The following PLBD2 variants were observed in gnomAD, a reference collection of about 807,000 sequenced individuals.
PLBD2 encodes the protein putative aminopeptidase PLBD2.
A neutral mutation model predicts 68.3 loss-of-function variants in PLBD2; 51 were observed. That is an observed-to-expected ratio of 0.75 (90% confidence interval 0.60 to 0.94). The LOEUF is 0.94. Among genes scored for constraint, PLBD2 ranks in the 40% least tolerant of loss-of-function variants. The pLI is 0.00. For missense variants in PLBD2, 729 were observed against 792.2 expected, an observed-to-expected ratio of 0.92 and a Z score of 0.96; for synonymous variants, 314 against 339.3, an observed-to-expected ratio of 0.93 and a Z score of 0.82.
In PLBD2 at chr12:113,358,908, C is replaced by G; in HGVS notation, c.290+18C>G. The G allele has an allele frequency of 6.7e-7, 1 of 1,500,656 alleles. No homozygotes were observed. The highest frequency in any genetic ancestry group is 8.9e-7 in the Non-Finnish European group (1 of 1,128,006). The allele number at this position is 1,500,656 out of a possible 1,614,324, so 93.0% of individuals were successfully genotyped here. On this transcript the variant is annotated intron_variant, in intron 1 of 11. Coordinates refer to ENST00000280800, the MANE Select transcript of PLBD2 (RefSeq NM_173542.4). ...GAGACTGGGTAAGGGTTGGCTTATC[C>G]CCACGCGGGGCCATCGGGGGAGGGG... is the stretch of plus-strand genomic sequence containing the variant.
In PLBD2 at chr12:113,385,222, G is replaced by T; in HGVS notation, c.1225G>T (p.Val409Leu). ...TCTTCTCGGTCTCAGCGGCATGGTG[G>T]TGGTGGCTGACAAGACCTCGGAGCT... is the stretch of plus-strand genomic sequence containing the variant. ...TILEQIPGMVVVADKTSELYQ... is the reference protein window; with the variant it reads ...TILEQIPGMVLVADKTSELYQ... Residue 409 changes from valine (V) to leucine (L), a missense_variant, in exon 9 of 12, where the codon GTG becomes TTG. Coordinates refer to ENST00000280800, the MANE Select transcript of PLBD2 (RefSeq NM_173542.4). The T allele has an allele frequency of 6.2e-7, 1 of 1,614,180 alleles. No individual in the cohort carries two copies.
rs769302794 is a variant in PLBD2 at position 113,374,843 on chromosome 12, A to G, written c.695A>G (p.Lys232Arg). The G allele has an allele frequency of 6.2e-7, 1 of 1,613,870 alleles. No individual in the cohort carries two copies. Among genetic ancestry groups the G allele is most frequent in the East Asian group, 2.2e-5 (1 of 44,876 alleles). ...DLEDLELALN[K>R]TKIKPSLGSG... ...GAAGACCTGGAGCTGGCCCTGAACA[A>G]GACCAAGATCAAACCTTCTCTGGGC... The change falls in exon 5 of 12, where the codon AAG becomes AGG. Residue 232 changes from lysine (K) to arginine (R), a missense_variant. Coordinates refer to ENST00000280800, the MANE Select transcript of PLBD2 (RefSeq NM_173542.4).
At chr12:113,383,159 C>T (rs546115897) in intron 6 of PLBD2, among the ~76,000 whole-genome samples, 1 of 152,274 alleles carries the variant, frequency 6.6e-6, no homozygotes, top group South Asian at 2.1e-4. Flanking sequence ...TGCCCCAAGG[C>T]TGGAGGGAGA....
chr12:113,383,196 T>A (rs1381012810), intron 6 of PLBD2, among the ~76,000 whole-genome samples: 1 of 152,152 alleles, frequency 6.6e-6, no homozygotes, highest in Admixed American at 6.6e-5. Context: ...TTGTAAGGCC[T>A]CCTAGTCCTC....
Position 113,374,937 on chromosome 12 carries a change from C to G in PLBD2, c.789C>G (p.Thr263=), listed in dbSNP as rs1957426398. ...GQSDLLVAHN[T]WNNYQHMLRV... ...GTGACCTCCTGGTTGCCCACAACAC[C>G]TGGAACAACTACCAGCACATGCTGC... The change falls in exon 5 of 12, where the codon ACC becomes ACG. Residue 263 remains threonine (T), a synonymous_variant. Coordinates refer to ENST00000280800, the MANE Select transcript of PLBD2 (RefSeq NM_173542.4). 3.1e-6 allele frequency: 5 copies of G among 1,614,166 alleles called. No individual in the cohort carries two copies. The South Asian group carries it at 4.4e-5, about 14-fold the overall frequency.
chr12:113,381,708 G>A (rs535534957), intron 6 of PLBD2, among the ~76,000 whole-genome samples: 1 of 151,820 alleles, frequency 6.6e-6, no homozygotes, highest in Admixed American at 6.5e-5. Context: ...AAGGGTCTGG[G>A]CAGGAAACTT....
At chr12:113,370,478 T>C (rs1281928786) in intron 2 of PLBD2, among the ~76,000 whole-genome samples, 16 of 136,656 alleles carry the variant, frequency 1.2e-4, no homozygotes, top group African/African-American at 2.8e-4. Flanking sequence ...TTTTCTTTTT[T>C]TTTTTTTTTT....
intron 1 of PLBD2, 46 bp downstream of exon 1, chr12:113,358,936 T>A (rs1409873828): frequency 2.7e-6 from 4 of 1,471,320 alleles, no homozygotes; most frequent in Non-Finnish European, 3.6e-6. Flanking sequence ...GGGAGGGGGA[T>A]GCGTGGGCGC....
intron 1 of PLBD2, among the ~76,000 whole-genome samples, chr12:113,366,443 A>T (rs971739667): frequency 3.5e-5 from 5 of 142,982 alleles, no homozygotes; most frequent in African/African-American, 1.2e-4. Flanking sequence ...TGGCAAGAAC[A>T]AATGCAAAAA....
intron 5 of PLBD2, 135 bp from the exon 6 acceptor site, chr12:113,380,610 A>T: frequency 1.5e-6 from 1 of 657,338 alleles, no homozygotes; most frequent in East Asian, 2.7e-5. Flanking sequence ...CATTTGCTAA[A>T]TGACAAAAAG....
In PLBD2 at chr12:113,372,755, A is replaced by C. The variant is rs780238648; in HGVS notation, c.491A>C (p.Glu164Ala). ...RLKSFLEANL[E>A]WMQEEMESNP... ...AAGAGCTTCCTGGAGGCCAACCTAG[A>C]GTGGATGCAGGAAGAGATGGAGTCA... Residue 164 changes from glutamate (E) to alanine (A), a missense_variant, in exon 3 of 12, where the codon GAG becomes GCG. Glu to Ala is a moderately radical substitution (Grantham distance 107). Coordinates refer to ENST00000280800, the MANE Select transcript of PLBD2 (RefSeq NM_173542.4). The surrounding 1 kb of genome is among the most constrained non-coding windows in gnomAD (Gnocchi z 4.2). 5.6e-6 allele frequency: 9 copies of C among 1,613,912 alleles called. No homozygotes were observed. The African/African-American group carries it at 1.1e-4, about 19-fold the overall frequency.
intron 5 of PLBD2, among the ~76,000 whole-genome samples, chr12:113,377,420 T>TTTTG (rs773751995): frequency 2.7e-4 from 41 of 151,970 alleles, no homozygotes; most frequent in Non-Finnish European, 3.5e-4. Context: ...GATTTCTGTT[T>TTTTG]TTTGTTTGTT....
chr12:113,386,042 C>T (rs955506589), intron 9 of PLBD2, among the ~76,000 whole-genome samples: 2 of 152,264 alleles, frequency 1.3e-5, no homozygotes, highest in Non-Finnish European at 2.9e-5. Flanking sequence ...TAAGTCACCA[C>T]ACCCGGACTG....
chr12:113,361,869 A>G (rs1263313450), intron 1 of PLBD2, among the ~76,000 whole-genome samples: 5 of 152,184 alleles, frequency 3.3e-5, no homozygotes, highest in African/African-American at 1.2e-4. Context: ...GAGGTTGCTT[A>G]AAGTAAATCA....
At chr12:113,365,009 T>TA (rs991340760) in intron 1 of PLBD2, among the ~76,000 whole-genome samples, 4 of 152,210 alleles carry the variant, frequency 2.6e-5, no homozygotes, top group African/African-American at 9.6e-5. Flanking sequence ...CCTTGAAATT[T>TA]AAAAATCTAA....
At chr12:113,387,671 T>C in intron 10 of PLBD2, 73 bp from the exon 11 acceptor site, 1 of 1,501,476 alleles carries the variant, frequency 6.7e-7, no homozygotes, top group Non-Finnish European at 9.2e-7. Flanking sequence ...CGGGGCTGCC[T>C]GTGAGGATTT....
rs1957530670 is a variant in PLBD2, at chr12:113,384,572, T to C, written c.1119-279T>C. Among the ~76,000 whole-genome samples the C allele has an allele frequency of 6.6e-6, 1 of 152,142 alleles. No individual in the cohort carries two copies. Among genetic ancestry groups the C allele is most frequent in the South Asian group, 2.1e-4 (1 of 4,830 alleles). ...GGACGTGGGTGGGTGGCAGGGCCTG[T>C]GAGCCAGAGACACTGGAACTGGGCA... On this transcript the variant is annotated intron_variant, in intron 7 of 11. Transcript: ENST00000280800. This position sits in a 1 kb window ranked among gnomAD's most constrained non-coding sequence, Gnocchi z 4.2.
chr12:113,378,954 G>A (rs924139513), intron 5 of PLBD2, among the ~76,000 whole-genome samples: 29 of 152,264 alleles, frequency 1.9e-4, no homozygotes, highest in African/African-American at 6.0e-4. Flanking sequence ...GATTACAGGC[G>A]TGAGCCACTG....
At position 113,380,791 on chromosome 12, in the gene PLBD2, C is replaced by T. The variant is rs1464269641; in HGVS notation, c.906C>T (p.Tyr302=). The change falls in exon 6 of 12, where the codon TAC becomes TAT. Residue 302 remains tyrosine, a synonymous_variant. Transcript: ENST00000280800. ...VPGNKLVFSS[Y]PGTIFSCDDF... is the part of the protein sequence containing the mutation. ...GCAACAAGCTGGTCTTCTCCTCCTA[C>T]CCCGGCACCATCTTCTCCTGCGACG... is the stretch of plus-strand genomic sequence containing the variant. 5 of 1,556,680 alleles carry T rather than the reference C, an allele frequency of 3.2e-6. No individual in the cohort carries two copies. Among genetic ancestry groups the T allele is most frequent in the Non-Finnish European group, 4.3e-6 (5 of 1,149,920 alleles).
Sources: gnomAD v4.1 joint callset for allele counts (sites outside exome capture counted in the v4.1 genomes callset) on GRCh38, gnomAD v4.1.1 for gene constraint, Gnocchi (gnomAD v3.1) non-coding constraint, MANE v1.5 for transcripts, NCBI Gene and HGNC (gene_info 2026-07-23, HGNC 2026-07-21) for gene names.